Variants in RAP1GAP2 observed in about 807,000 individuals in gnomAD.
The protein encoded by RAP1GAP2 is rap1 GTPase-activating protein 2.
RAP1GAP2 carries 27 observed loss-of-function variants against 95.0 expected under a neutral mutation model. The ratio of observed to expected loss-of-function variants is 0.28; its 90% CI spans 0.21 to 0.39. RAP1GAP2 has a LOEUF of 0.39. Ranked by LOEUF, RAP1GAP2 falls within the 10% of genes least tolerant of loss-of-function variation. RAP1GAP2 has a pLI of 1.00. For missense variants in RAP1GAP2, 771 were observed against 970.0 expected (o/e 0.79, Z 2.72); for synonymous variants, 373 against 380.9 (o/e 0.98, Z 0.24).
chr17:2,839,872 C>T (rs930706404), intron 2 of RAP1GAP2, among the ~76,000 whole-genome samples: 2 of 152,032 alleles, frequency 1.3e-5, no homozygotes, highest in Non-Finnish European at 2.9e-5. Flanking sequence ...GATCTCGGCT[C>T]ACTGCAACCT....
rs71150898 is a variant in RAP1GAP2 at position 2,801,597 on chromosome 17, ATGTGTGTGTG to A, written c.80+1090_80+1099del. Among the ~76,000 whole-genome samples, 379 of 121,934 alleles carry A rather than the reference ATGTGTGTGTG, an allele frequency of 3.1e-3. 2 individuals carry two copies. Among genetic ancestry groups the A allele is most frequent in the African/African-American group, 0.01 (314 of 30,796 alleles). The allele number at this position is 121,934 out of a possible 152,430, so 80.0% of individuals were successfully genotyped here. A position where few individuals can be genotyped will look rare whatever the true frequency, so the allele number is the denominator to read the frequency against. On this transcript the variant is annotated intron_variant, in intron 2 of 24. Coordinates refer to ENST00000254695, the MANE Select transcript of RAP1GAP2 (RefSeq NM_015085.5). ...AGGACCTGACTAAACACTCCAGGGT[ATGTGTGTGTG>A]TGTGTGTGTGTGTGTGTGTGTGTGT... is the stretch of plus-strand genomic sequence containing the variant.
rs768489215 is a variant in RAP1GAP2 at position 3,008,606 on chromosome 17, T to C, written c.1494+461T>C. 6.6e-6 allele frequency among the ~76,000 whole-genome samples: 1 copy of C among 152,148 alleles called. No homozygotes were observed. The highest frequency in any genetic ancestry group is 2.4e-5 in the African/African-American group (1 of 41,432). On this transcript the variant is annotated intron_variant, in intron 17 of 24. Transcript: ENST00000254695. The surrounding 1 kb of genome is among the most constrained non-coding windows in gnomAD (Gnocchi z 4.2). Reference sequence around the variant, plus strand: ...CCAGCCGGCCGAGCATTGGAAGACCTGGCTGGGCAGGGGCCATGGAACTAT... The same window carrying C: ...CCAGCCGGCCGAGCATTGGAAGACCCGGCTGGGCAGGGGCCATGGAACTAT...
In RAP1GAP2 at chr17:2,871,874, T is replaced by C. The variant is rs186797247; in HGVS notation, c.81-33410T>C. On this transcript the variant is annotated intron_variant, in intron 2 of 24. Transcript: ENST00000254695. This position sits in a 1 kb window ranked among gnomAD's most constrained non-coding sequence, Gnocchi z 5.0. ...CTGGAAACAACCAAATCCCTATTCA[T>C]AGTGAACTGGCTGCCTAAATTATTT... Among the ~76,000 whole-genome samples the C allele has an allele frequency of 4.1e-4, 62 of 152,312 alleles. No homozygotes were observed. The highest frequency in any genetic ancestry group is 1.0e-4 in the Non-Finnish European group (7 of 68,024).
chr17:3,008,055 C>G lies in RAP1GAP2; in HGVS notation c.1404C>G (p.Leu468=), dbSNP rs771177023. The part of the protein sequence containing the change: ...AALLDNLHDE[L]HAHTQAMLGL... ...TCCTGGACAACCTTCACGATGAGCTCCACGCCCACACACAGGCCATGCTGG... is the reference window on the plus strand; with the variant it reads ...TCCTGGACAACCTTCACGATGAGCTGCACGCCCACACACAGGCCATGCTGG... Residue 468 remains leucine (L), a synonymous_variant, in exon 17 of 25, where the codon CTC becomes CTG. Transcript: ENST00000254695. The surrounding 1 kb of genome is among the most constrained non-coding windows in gnomAD (Gnocchi z 4.2). 2 of 1,613,970 alleles carry G rather than the reference C, an allele frequency of 1.2e-6. No individual in the cohort carries two copies. The highest frequency in any genetic ancestry group is 1.1e-5 in the South Asian group (1 of 91,084).
At position 2,998,206 on chromosome 17, in the gene RAP1GAP2, A is replaced by G; in HGVS notation, c.1045-15A>G. On this transcript the variant is annotated splice_polypyrimidine_tract_variant and intron_variant, in intron 13 of 24. Transcript: ENST00000254695. ...TTCCTAACTGGCTTATAACCTCTCA[A>G]CACTTTTTATTTAGCTCCAGAGAAA... is the stretch of plus-strand genomic sequence containing the variant. 6.2e-7 allele frequency: 1 copy of G among 1,612,398 alleles called. No individual in the cohort carries two copies.
At position 2,849,997 on chromosome 17, in the gene RAP1GAP2, TGC is replaced by T. The variant is rs2071759875; in HGVS notation, c.80+49448_80+49449del. On this transcript the variant is annotated intron_variant, in intron 2 of 24. Coordinates refer to ENST00000254695, the MANE Select transcript of RAP1GAP2 (RefSeq NM_015085.5). ...TGTGTCACTAACACCTAACACTGCC[TGC>T]TTTTTTTTTTTTTTTTTTTGAGATG... 4.1e-5 allele frequency among the ~76,000 whole-genome samples: 5 copies of T among 120,930 alleles called. 1 individual carries two copies. The highest frequency in any genetic ancestry group is 8.5e-5 in the Admixed American group (1 of 11,778). The allele number at this position is 120,930 out of a possible 152,430, so 79.3% of individuals were successfully genotyped here. A position where few individuals can be genotyped will look rare whatever the true frequency, so the allele number is the denominator to read the frequency against.
intron 19 of RAP1GAP2, among the ~76,000 whole-genome samples, chr17:3,022,983 T>C (rs1328454673): frequency 6.6e-6 from 1 of 152,248 alleles, no homozygotes; most frequent in Non-Finnish European, 1.5e-5. Flanking sequence ...TACTGAAGAA[T>C]GTATATTCTT....
chr17:3,011,526 C>T (rs934931028), intron 17 of RAP1GAP2, among the ~76,000 whole-genome samples: 1 of 152,002 alleles, frequency 6.6e-6, no homozygotes, highest in South Asian at 2.1e-4. Context: ...TCACCCACAC[C>T]TTCCTGGGAT....
upstream of RAP1GAP2, among the ~76,000 whole-genome samples, chr17:2,792,983 G>A (rs2068965838): frequency 6.6e-6 from 1 of 152,156 alleles, no homozygotes; most frequent in African/African-American, 2.4e-5. Context: ...AATGCATGCG[G>A]CGGGCAGCTT....
chr17:2,941,130 G>A (rs2043480310), intron 3 of RAP1GAP2, among the ~76,000 whole-genome samples: 1 of 152,202 alleles, frequency 6.6e-6, no homozygotes, highest in South Asian at 2.1e-4. Context: ...GGCCGGGAAC[G>A]GTGGCTCACG....
At chr17:2,832,294 C>G (rs2070897342) in intron 2 of RAP1GAP2, among the ~76,000 whole-genome samples, 1 of 151,312 alleles carries the variant, frequency 6.6e-6, no homozygotes, top group Admixed American at 6.6e-5. Flanking sequence ...CGCGGTGGCT[C>G]ATGCCTGTAA....
At chr17:2,787,743 A>G (rs1160060406) in intron 1 of RAP1GAP2, among the ~76,000 whole-genome samples, 2 of 151,174 alleles carry the variant, frequency 1.3e-5, no homozygotes, top group Non-Finnish European at 2.9e-5. Flanking sequence ...AAGTTTTTGT[A>G]TTTTCAGTAG....
intron 5 of RAP1GAP2, chr17:2,962,942 A>T (rs1383500386): frequency 3.6e-6 from 2 of 562,224 alleles, no homozygotes; most frequent in African/African-American, 3.8e-5. Flanking sequence ...CTGGGGGTGG[A>T]GGCCTCGGTG....
At position 2,779,758 on chromosome 17, in the gene RAP1GAP2, G is replaced by A. The variant is rs371667863; in HGVS notation, c.-14+2480G>A. 8.8e-5 allele frequency among the ~76,000 whole-genome samples: 13 copies of A among 148,500 alleles called. No individual in the cohort carries two copies. The South Asian group carries it at 1.7e-3, about 20-fold the overall frequency. The stretch of plus-strand genomic sequence containing the variant: ...AGCTGGCATACGGTCATGGGCATGG[G>A]TCTGGGCCATAGTCAGTGGGGGAGG... On this transcript the variant is annotated intron_variant, in intron 1 of 24. Transcript: ENST00000540393.
intron 2 of RAP1GAP2, among the ~76,000 whole-genome samples, chr17:2,842,564 C>T (rs1185856976): frequency 2.1e-5 from 3 of 143,642 alleles, no homozygotes; most frequent in African/African-American, 7.8e-5. Flanking sequence ...ACCACTTTTA[C>T]TACCCTCTAG....
At chr17:2,918,267 T>C (rs1015307222) in intron 3 of RAP1GAP2, among the ~76,000 whole-genome samples, 6 of 151,922 alleles carry the variant, frequency 3.9e-5, no homozygotes, top group African/African-American at 1.5e-4. Flanking sequence ...AACCTGTTTC[T>C]ACTAAAAATA....
intron 1 of RAP1GAP2, chr17:2,800,226 C>T (rs930750065): frequency 1.0e-6 from 1 of 985,138 alleles, no homozygotes; most frequent in Admixed American, 6.2e-5. Flanking sequence ...ACGTGAGATA[C>T]CTGAATTCAG....
intron 2 of RAP1GAP2, among the ~76,000 whole-genome samples, chr17:2,845,383 TCCA>T (rs1218931517): frequency 6.6e-6 from 1 of 152,056 alleles, no homozygotes. Context: ...CCTCAAGTGA[TCCA>T]CCTGCCTTGG....
chr17:2,921,841 C>T (rs74252359), intron 3 of RAP1GAP2, among the ~76,000 whole-genome samples: 4,865 of 152,218 alleles, frequency 0.032, 112 homozygotes, highest in African/African-American at 0.068. Context: ...GGCTCCAGGC[C>T]GGGGACTGCA....
Sources: allele counts gnomAD v4.1 joint callset (sites outside exome capture counted in the v4.1 genomes callset), GRCh38; gene constraint gnomAD v4.1.1; non-coding constraint Gnocchi (gnomAD v3.1); transcripts MANE v1.5; gene names NCBI Gene and HGNC (gene_info 2026-07-23, HGNC 2026-07-21).